The following CNTNAP2 variants were observed in gnomAD, a reference collection of about 807,000 sequenced individuals.
CNTNAP2 encodes the protein contactin-associated protein-like 2.
CNTNAP2 carries 98 observed loss-of-function variants against 155.2 expected under a neutral mutation model. The ratio of observed to expected loss-of-function variants is 0.63; its 90% CI spans 0.54 to 0.75. CNTNAP2 has a LOEUF of 0.75. Among genes scored for constraint, CNTNAP2 ranks in the 30% least tolerant of loss-of-function variants. CNTNAP2 has a pLI of 0.00. For missense variants in CNTNAP2, 1,727 were observed against 1,688.1 expected, an observed-to-expected ratio of 1.02 and a Z score of -0.40; for synonymous variants, 651 against 631.2, an observed-to-expected ratio of 1.03 and a Z score of -0.47.
intron 13 of CNTNAP2, among the ~76,000 whole-genome samples, chr7:147,838,976 T>C (rs1798677778): frequency 6.6e-6 from 1 of 151,984 alleles, no homozygotes; most frequent in Non-Finnish European, 1.5e-5. Flanking sequence ...ACTCACATGA[T>C]CATAAGGTGA....
chr7:147,407,080 G>A (rs1797016766), intron 10 of CNTNAP2, among the ~76,000 whole-genome samples: 1 of 152,130 alleles, frequency 6.6e-6, no homozygotes, highest in African/African-American at 2.4e-5. Context: ...TGGGAAATTA[G>A]ACATGACATA....
chr7:148,242,177 T>C (rs1796169872), intron 20 of CNTNAP2, among the ~76,000 whole-genome samples: 1 of 152,210 alleles, frequency 6.6e-6, no homozygotes, highest in South Asian at 2.1e-4. Context: ...CCATCTGCAG[T>C]GCACTAAAAT....
chr7:147,115,302 A>T (rs1436401316), intron 5 of CNTNAP2, among the ~76,000 whole-genome samples: 1 of 151,906 alleles, frequency 6.6e-6, no homozygotes, highest in African/African-American at 2.4e-5. Context: ...TGTCTTGGGG[A>T]TGATCATCTT....
chr7:147,008,411 C>A (rs1021295020), intron 3 of CNTNAP2, among the ~76,000 whole-genome samples: 1 of 151,992 alleles, frequency 6.6e-6, no homozygotes, highest in Non-Finnish European at 1.5e-5. Flanking sequence ...GTTTACTATA[C>A]CTGGTGTGGG....
chr7:148,415,894 ACTAT>A lies in CNTNAP2; in HGVS notation c.*281_*284del. 1 of 560,782 alleles carries A rather than the reference ACTAT, an allele frequency of 1.8e-6. No individual in the cohort carries two copies. Among genetic ancestry groups the A allele is most frequent in the Admixed American group, 3.2e-5 (1 of 31,416 alleles). 34.7% of individuals were successfully genotyped at this position (560,782 alleles called of 1,614,324 possible). The stretch of plus-strand genomic sequence containing the variant: ...TAAGCAATGGTTGAAATTTGTAGGT[ACTAT>A]CTGTCTTATTTTGTGTGTGTTTAGA... On this transcript the variant is annotated 3_prime_UTR_variant, in exon 24 of 24. Transcript: ENST00000361727.
At chr7:146,894,823 C>T (rs764998241) in intron 3 of CNTNAP2, among the ~76,000 whole-genome samples, 17 of 152,136 alleles carry the variant, frequency 1.1e-4, no homozygotes, top group South Asian at 4.1e-4. Flanking sequence ...TATGAATGAA[C>T]AGTGTTTGCT....
chr7:147,441,668 G>A (rs1054470312), intron 10 of CNTNAP2, among the ~76,000 whole-genome samples: 2 of 152,036 alleles, frequency 1.3e-5, no homozygotes, highest in Non-Finnish European at 2.9e-5. Context: ...CTTATTTAGG[G>A]AGCACCCCAG....
chr7:146,432,737 T>C (rs1385137226), intron 1 of CNTNAP2, among the ~76,000 whole-genome samples: 1 of 152,204 alleles, frequency 6.6e-6, no homozygotes, highest in Non-Finnish European at 1.5e-5. Context: ...GTTTGTTCCT[T>C]ATTTTTAAAG....
chr7:148,160,496 G>A (rs1337110876), intron 17 of CNTNAP2, among the ~76,000 whole-genome samples: 1 of 151,576 alleles, frequency 6.6e-6, no homozygotes, highest in Non-Finnish European at 1.5e-5. Flanking sequence ...GTTATAACCT[G>A]GTATTTTTTG....
intron 1 of CNTNAP2, among the ~76,000 whole-genome samples, chr7:146,252,093 A>G (rs991001317): frequency 6.6e-6 from 1 of 152,184 alleles, no homozygotes; most frequent in Non-Finnish European, 1.5e-5. Flanking sequence ...AACGCAGAGG[A>G]CATACCAGGG....
At chr7:148,190,966 C>T (rs1022077799) in intron 18 of CNTNAP2, 2 of 152,060 alleles carry the variant, frequency 1.3e-5, no homozygotes, top group African/African-American at 4.8e-5. Context: ...AAAGAAGATT[C>T]CAGATTCCAG....
chr7:146,221,722 G>A (rs1320095041), intron 1 of CNTNAP2, among the ~76,000 whole-genome samples: 3 of 152,296 alleles, frequency 2.0e-5, no homozygotes, highest in South Asian at 2.1e-4. Context: ...TGTTGTGAGA[G>A]CACTTCTAAC....
intron 9 of CNTNAP2, among the ~76,000 whole-genome samples, chr7:147,311,069 T>G (rs1050902624): frequency 6.6e-6 from 1 of 152,140 alleles, no homozygotes; most frequent in African/African-American, 2.4e-5. Context: ...GATGAGATAC[T>G]GAGAACGATC....
At chr7:148,178,566 T>C (rs1311010282) in intron 18 of CNTNAP2, among the ~76,000 whole-genome samples, 1 of 152,200 alleles carries the variant, frequency 6.6e-6, no homozygotes, top group Admixed American at 6.5e-5. Flanking sequence ...GTAGAAGAAA[T>C]TGTTTATAGC....
chr7:146,216,728 A>G (rs143135728), intron 1 of CNTNAP2, among the ~76,000 whole-genome samples: 1 of 152,220 alleles, frequency 6.6e-6, no homozygotes, highest in Non-Finnish European at 1.5e-5. Flanking sequence ...CGCACTCTGG[A>G]GAAAACACAT....
chr7:147,431,364 T>G (rs35894873), intron 10 of CNTNAP2, among the ~76,000 whole-genome samples: 28,438 of 152,138 alleles, frequency 0.19, 3,204 homozygotes, highest in Non-Finnish European at 0.25. Flanking sequence ...TAATAGCTTC[T>G]GAGAAACTTT....
intron 1 of CNTNAP2, among the ~76,000 whole-genome samples, chr7:146,708,023 C>T (rs888033067): frequency 4.0e-5 from 6 of 151,736 alleles, no homozygotes; most frequent in South Asian, 2.1e-4. Flanking sequence ...TGGGTTCTTA[C>T]GCCAAAAATA....
chr7:148,161,947 G>C (rs1562979231), intron 17 of CNTNAP2, among the ~76,000 whole-genome samples: 1 of 152,096 alleles, frequency 6.6e-6, no homozygotes, highest in Non-Finnish European at 1.5e-5. Flanking sequence ...ACATACCCAT[G>C]AGGCTTGGTC....
intron 8 of CNTNAP2, among the ~76,000 whole-genome samples, chr7:147,220,419 G>A (rs1460870652): frequency 6.6e-6 from 1 of 152,056 alleles, no homozygotes; most frequent in Admixed American, 6.6e-5. Context: ...CTTATTTCTT[G>A]ATTCATTCTG....
Sources: gnomAD v4.1 joint callset for allele counts (sites outside exome capture counted in the v4.1 genomes callset) on GRCh38, gnomAD v4.1.1 for gene constraint, MANE v1.5 for transcripts, NCBI Gene and HGNC (gene_info 2026-07-23, HGNC 2026-07-21) for gene names.